KCNH1: variants seen among roughly 807,000 people sequenced by gnomAD.
The protein encoded by KCNH1 is potassium voltage-gated channel subfamily H member 1.
In KCNH1, 27 loss-of-function variants were observed where a neutral mutation model predicts 69.2. The observed-to-expected ratio is 0.39, with a 90% confidence interval of 0.29 to 0.54. The LOEUF is 0.54. Among genes scored for constraint, KCNH1 ranks in the 20% least tolerant of loss-of-function variants. The pLI is 0.68. For synonymous variants in KCNH1, 456 were observed against 487.7 expected (o/e 0.93, Z 0.86); for missense variants, 798 against 1,261.6 (o/e 0.63, Z 5.57).
chr1:210,814,970 T>C (rs560267389), intron 7 of KCNH1, among the ~76,000 whole-genome samples: 31 of 152,322 alleles, frequency 2.0e-4, no homozygotes, highest in African/African-American at 7.5e-4. Context: ...AATTTGTTAA[T>C]GCTGTTGACA....
chr1:210,870,037 G>T (rs556117114), intron 7 of KCNH1, among the ~76,000 whole-genome samples: 1 of 152,136 alleles, frequency 6.6e-6, no homozygotes, highest in African/African-American at 2.4e-5. Flanking sequence ...CTCTTCTTGA[G>T]TGTGTATTGT....
chr1:210,981,556 T>G (rs571567229), intron 6 of KCNH1, among the ~76,000 whole-genome samples: 33 of 152,208 alleles, frequency 2.2e-4, no homozygotes, highest in African/African-American at 7.7e-4. Flanking sequence ...AAAAATGTCT[T>G]CATTTGCTAG....
intron 10 of KCNH1, among the ~76,000 whole-genome samples, chr1:210,684,719 A>C (rs1681370515): frequency 2.0e-5 from 3 of 152,324 alleles, no homozygotes; most frequent in Middle Eastern, 6.8e-3. Flanking sequence ...TGAAAAGTAA[A>C]AGTCATTCTC....
chr1:210,999,835 C>T (rs1234910483), intron 6 of KCNH1, among the ~76,000 whole-genome samples: 5 of 152,238 alleles, frequency 3.3e-5, no homozygotes, highest in African/African-American at 1.2e-4. Flanking sequence ...TTGGCTTCAT[C>T]CCTGGGATGC....
At chr1:211,127,422 C>G (rs1182444763) in intron 1 of KCNH1, among the ~76,000 whole-genome samples, 1 of 96,156 alleles carries the variant, frequency 1.0e-5, no homozygotes, top group Non-Finnish European at 2.0e-5. Flanking sequence ...AACACACACA[C>G]ACCAAAAAAA....
In KCNH1 at chr1:210,804,020, T is replaced by C; in HGVS notation, c.1609A>G (p.Met537Val). Residue 537 changes from methionine (M) to valine (V), a missense_variant, in exon 8 of 11, where the codon ATG (methionine) becomes GTG (valine). Met to Val is a conservative substitution (Grantham distance 21). Transcript: ENST00000271751. ...GACCAAGTGGACACAATATAATCCA[T>C]TACTCGCTCACTCAATCCTTTTGGC... ...QVPKGLSERV[M>V]DYIVSTWSMS... 1.2e-6 allele frequency: 2 copies of C among 1,614,176 alleles called. No individual in the cohort carries two copies. Among genetic ancestry groups the C allele is most frequent in the Non-Finnish European group, 1.7e-6 (2 of 1,180,030 alleles).
chr1:210,842,529 G>A (rs929524312), intron 7 of KCNH1, among the ~76,000 whole-genome samples: 1 of 152,150 alleles, frequency 6.6e-6, no homozygotes, highest in African/African-American at 2.4e-5. Context: ...TCTACTGACT[G>A]GTTACTAAGT....
At chr1:210,997,673 T>C (rs1010950935) in intron 6 of KCNH1, among the ~76,000 whole-genome samples, 2 of 152,094 alleles carry the variant, frequency 1.3e-5, no homozygotes, top group Non-Finnish European at 2.9e-5. Context: ...GCCACAAAGA[T>C]ACTCCTCGAG....
intron 6 of KCNH1, among the ~76,000 whole-genome samples, chr1:210,973,847 A>G (rs950847227): frequency 6.6e-6 from 1 of 152,192 alleles, no homozygotes. Context: ...TTTAAAGATA[A>G]TGCTGCAACA....
chr1:211,090,583 T>A lies in KCNH1; in HGVS notation c.418A>T (p.Ile140Phe). The change falls in exon 4 of 11, where the codon ATT (isoleucine) becomes TTT (phenylalanine). Residue 140 changes from isoleucine to phenylalanine, a missense_variant. By Grantham distance (21) the Ile-to-Phe change is conservative. Around this residue, in one of 4 missense-constraint regions of KCNH1, gnomAD observed 266 missense variants for 457.2 expected, o/e 0.58. Coordinates refer to ENST00000271751, the MANE Select transcript of KCNH1 (RefSeq NM_172362.3). ...FSDITAFKQP[I>F]EDDSCKGWGK... is the part of the protein sequence containing the mutation. ...AAACCTTTACATGAATCATCCTCAA[T>A]TGGCTGTTTGAAAGCTGTTATGTCA... 6.2e-7 allele frequency: 1 copy of A among 1,606,178 alleles called. No individual in the cohort carries two copies. The highest frequency in any genetic ancestry group is 8.5e-7 in the Non-Finnish European group (1 of 1,178,406).
intron 7 of KCNH1, among the ~76,000 whole-genome samples, chr1:210,845,912 A>G (rs1685532475): frequency 6.6e-6 from 1 of 152,254 alleles, no homozygotes; most frequent in African/African-American, 2.4e-5. Flanking sequence ...TGCAAAAATC[A>G]CAAGCATTCT....
intron 5 of KCNH1, among the ~76,000 whole-genome samples, chr1:211,035,950 T>G (rs1689888830): frequency 6.6e-6 from 1 of 152,206 alleles, no homozygotes; most frequent in Non-Finnish European, 1.5e-5. Flanking sequence ...GAAAGACAGG[T>G]GACAGCATTG....
At chr1:210,815,166 C>G (rs1002523545) in intron 7 of KCNH1, among the ~76,000 whole-genome samples, 2 of 152,150 alleles carry the variant, frequency 1.3e-5, no homozygotes, top group African/African-American at 2.4e-5. Flanking sequence ...GAAATTTGTT[C>G]TTTTCAAATT....
chr1:210,874,022 G>A (rs564732260), intron 7 of KCNH1, among the ~76,000 whole-genome samples: 19 of 152,206 alleles, frequency 1.2e-4, no homozygotes, highest in African/African-American at 2.2e-4. Context: ...TTAGCCCTGC[G>A]CACGTGACAT....
chr1:210,801,800 G>C (rs144089327), intron 8 of KCNH1, among the ~76,000 whole-genome samples: 72 of 152,364 alleles, frequency 4.7e-4, no homozygotes, highest in African/African-American at 1.6e-3. Flanking sequence ...AATAGGCGTA[G>C]TTGGGGCAGG....
intron 7 of KCNH1, among the ~76,000 whole-genome samples, chr1:210,847,466 A>C (rs1176979038): frequency 6.6e-6 from 1 of 152,114 alleles, no homozygotes; most frequent in Non-Finnish European, 1.5e-5. Context: ...CATTCTCAGC[A>C]AACTATCACA....
intron 7 of KCNH1, among the ~76,000 whole-genome samples, chr1:210,909,704 C>T (rs770881647): frequency 2.0e-5 from 3 of 152,254 alleles, no homozygotes; most frequent in African/African-American, 4.8e-5. Context: ...GGCAGCTGCA[C>T]ATGCAGCTTG....
In KCNH1 at chr1:211,018,987, T is replaced by C. The variant is rs755921954; in HGVS notation, c.828A>G (p.Pro276=). 7.4e-6 allele frequency: 12 copies of C among 1,614,086 alleles called. No individual in the cohort carries two copies. Among genetic ancestry groups the C allele is most frequent in the South Asian group, 1.1e-5 (1 of 91,072 alleles). Residue 276 remains proline, a synonymous_variant, in exon 6 of 11, where the codon CCA becomes CCG. Transcript: ENST00000271751. ...TGGGGTCAGAAATCACCTCCCCTGCTGGTCCAACAAAGGTGGTATGAAAAT... is the reference window on the plus strand; with the variant it reads ...TGGGGTCAGAAATCACCTCCCCTGCCGGTCCAACAAAGGTGGTATGAAAAT... ...VLNFHTTFVG[P]AGEVISDPKL...
In KCNH1 at chr1:211,123,133, T is replaced by C. The variant is rs1335183470; in HGVS notation, c.79+10734A>G. On this transcript the variant is annotated intron_variant, in intron 1 of 10. Transcript: ENST00000271751. The stretch of plus-strand genomic sequence containing the variant: ...TTGTCCATTTTTAAGCTATGCCCAG[T>C]TTCCCTATATGGCTTTATCTGCCCC... Among the ~76,000 whole-genome samples the C allele has an allele frequency of 5.9e-5, 9 of 151,918 alleles. 1 individual carries two copies. Among genetic ancestry groups the C allele is most frequent in the Non-Finnish European group, 4.4e-5 (3 of 67,946 alleles).
Sources: allele counts gnomAD v4.1 joint callset (sites outside exome capture counted in the v4.1 genomes callset), GRCh38; gene constraint gnomAD v4.1.1; regional missense constraint gnomAD v4.1.1; transcripts MANE v1.5; gene names NCBI Gene and HGNC (gene_info 2026-07-23, HGNC 2026-07-21).